The following KAT6B variants were observed in gnomAD, a reference collection of about 807,000 sequenced individuals.
KAT6B encodes histone acetyltransferase KAT6B.
A neutral mutation model predicts 187.5 loss-of-function variants in KAT6B; 10 were observed. The observed-to-expected ratio is 0.05, with a 90% CI of 0.03 to 0.09. The LOEUF is 0.09. KAT6B is among the 10% of genes least tolerant of loss of function. The pLI, the probability that KAT6B is intolerant of heterozygous loss-of-function variation, is 1.00. For missense variants in KAT6B, 1,952 were observed against 2,558.9 expected, an observed-to-expected ratio of 0.76 and a Z score of 5.12; for synonymous variants, 861 against 926.8, an observed-to-expected ratio of 0.93 and a Z score of 1.29.
chr10:74,825,549 G>T (rs1464796969), upstream of KAT6B: 3 of 158,402 alleles, frequency 1.9e-5, no homozygotes, highest in Non-Finnish European at 2.8e-5. This position sits in a 1 kb window ranked among gnomAD's most constrained non-coding sequence, Gnocchi z 5.0. Context: ...GGTCCCGGGC[G>T]GGGGGAGCGC....
intron 17 of KAT6B, chr10:75,025,501 G>A: frequency 2.3e-6 from 1 of 427,692 alleles, no homozygotes; most frequent in South Asian, 3.0e-5. Context: ...ACCAGAAATT[G>A]GCTTATCCCC....
intron 13 of KAT6B, among the ~76,000 whole-genome samples, chr10:74,990,876 C>G (rs946572440): frequency 2.6e-5 from 4 of 152,336 alleles, no homozygotes; most frequent in African/African-American, 9.6e-5. Flanking sequence ...CTTCCAACAT[C>G]TAGTTCCAGC....
At chr10:74,921,108 ATTTT>A (rs10550175) in intron 3 of KAT6B, among the ~76,000 whole-genome samples, 2 of 109,506 alleles carry the variant, frequency 1.8e-5, no homozygotes, top group Non-Finnish European at 1.7e-5. Flanking sequence ...TGTAGTCTAA[ATTTT>A]TTTTTTTTTT....
At chr10:75,021,345 T>C (rs925483849) in intron 15 of KAT6B, 60 bp downstream of exon 15, 2 of 1,561,536 alleles carry the variant, frequency 1.3e-6, no homozygotes, top group Non-Finnish European at 1.8e-6. Context: ...ATTCTTAAGC[T>C]AAGAAAGTCA....
rs1312528304 is a variant in KAT6B, at chr10:75,029,083, A to G, written c.4259A>G (p.His1420Arg). Reference protein sequence around the residue: ...EEEEEDEEPSHNEDHDADDED... With the variant: ...EEEEEDEEPSRNEDHDADDED... ...GAGGAAGAGGATGAAGAGCCATCCC[A>G]CAACGAGGACCATGATGCCGATGAC... The change falls in exon 18 of 18, where the codon CAC becomes CGC. Residue 1420 changes from histidine (H) to arginine (R), a missense_variant. His to Arg is a conservative substitution (Grantham distance 29). This residue lies in a region of KAT6B where 758 missense variants were observed against 891.4 expected (regional missense o/e 0.85). Coordinates refer to ENST00000287239, the MANE Select transcript of KAT6B (RefSeq NM_012330.4). The surrounding 1 kb of genome is among the most constrained non-coding windows in gnomAD (Gnocchi z 6.2). 1 of 1,614,216 alleles carries G rather than the reference A, an allele frequency of 6.2e-7. No individual in the cohort carries two copies. Among genetic ancestry groups the G allele is most frequent in the Non-Finnish European group, 8.5e-7 (1 of 1,180,034 alleles).
intron 3 of KAT6B, among the ~76,000 whole-genome samples, chr10:74,950,881 G>A (rs1407727149): frequency 6.6e-6 from 1 of 152,038 alleles, no homozygotes; most frequent in African/African-American, 2.4e-5. Flanking sequence ...CACCAGCCGA[G>A]GCAGGTGGAT....
chr10:74,960,694 A>G (rs1482780294), intron 4 of KAT6B, among the ~76,000 whole-genome samples: 3 of 152,196 alleles, frequency 2.0e-5, no homozygotes, highest in African/African-American at 7.2e-5. Flanking sequence ...TTACTTGATC[A>G]TTCTGAGCCC....
At chr10:75,021,006 T>C (rs1845367115) in intron 14 of KAT6B, 120 bp from the exon 15 acceptor site, 1 of 1,057,842 alleles carries the variant, frequency 9.5e-7, no homozygotes, top group South Asian at 1.3e-5. Flanking sequence ...ACCCTCTCAT[T>C]GAGGTGCTTT....
intron 3 of KAT6B, among the ~76,000 whole-genome samples, chr10:74,929,921 CTT>C (rs370938293): frequency 6.6e-5 from 9 of 136,008 alleles, no homozygotes; most frequent in Admixed American, 1.5e-4. Context: ...ATTATTTTTC[CTT>C]TTTTTTTTTT....
At chr10:74,883,804 A>C (rs1845039629) in intron 3 of KAT6B, among the ~76,000 whole-genome samples, 1 of 152,086 alleles carries the variant, frequency 6.6e-6, no homozygotes, top group Non-Finnish European at 1.5e-5. Flanking sequence ...ATCCTCATCC[A>C]ATTCTGTTTT....
chr10:74,968,448 G>A (rs1273746605), intron 4 of KAT6B, among the ~76,000 whole-genome samples: 2 of 151,636 alleles, frequency 1.3e-5, no homozygotes, highest in South Asian at 2.1e-4. Context: ...GATTTTGAAT[G>A]TTTTTACTTC....
At chr10:74,887,994 A>G (rs1204979048) in intron 3 of KAT6B, among the ~76,000 whole-genome samples, 1 of 152,158 alleles carries the variant, frequency 6.6e-6, no homozygotes, top group Non-Finnish European at 1.5e-5. Context: ...TGGAAAAAAA[A>G]AGAGAACTGG....
At chr10:74,970,752 GAATAAA>G (rs1383070294) in intron 6 of KAT6B, among the ~76,000 whole-genome samples, 2 of 152,072 alleles carry the variant, frequency 1.3e-5, no homozygotes, top group African/African-American at 4.8e-5. Flanking sequence ...GACAAAAAAG[GAATAAA>G]AATAAAAATG....
chr10:74,914,299 G>C (rs906434304), intron 3 of KAT6B, among the ~76,000 whole-genome samples: 3 of 151,978 alleles, frequency 2.0e-5, no homozygotes, highest in African/African-American at 7.2e-5. Context: ...ATTTAATCTA[G>C]AAATTTTAAG....
In KAT6B at chr10:75,030,881, C is replaced by T. The variant is rs748866707; in HGVS notation, c.6057C>T (p.Tyr2019=). ...GCTATATGAATCAAACGCCCCAATACCCTATGCAGATGCAGATGGGCATGA... is the reference window on the plus strand; with the variant it reads ...GCTATATGAATCAAACGCCCCAATATCCTATGCAGATGCAGATGGGCATGA... ...NHGYMNQTPQ[Y]PMQMQMGMMG... Residue 2019 remains tyrosine (Y), a synonymous_variant, in exon 18 of 18, where the codon TAC becomes TAT. Coordinates refer to ENST00000287239, the MANE Select transcript of KAT6B (RefSeq NM_012330.4). This position sits in a 1 kb window ranked among gnomAD's most constrained non-coding sequence, Gnocchi z 4.8. 6.2e-6 allele frequency: 10 copies of T among 1,614,192 alleles called. No homozygotes were observed. The highest frequency in any genetic ancestry group is 5.0e-5 in the Admixed American group (3 of 60,028).
At chr10:74,893,895 A>G (rs955333181) in intron 3 of KAT6B, among the ~76,000 whole-genome samples, 7 of 152,208 alleles carry the variant, frequency 4.6e-5, no homozygotes, top group Non-Finnish European at 7.3e-5. Flanking sequence ...CCTTATTTAT[A>G]CTCTGCAGGT....
chr10:74,858,036 A>G (rs965738056), intron 3 of KAT6B, among the ~76,000 whole-genome samples: 1 of 152,106 alleles, frequency 6.6e-6, no homozygotes, highest in Non-Finnish European at 1.5e-5. Context: ...ATTAAAAAAA[A>G]AAAGGAAAAA....
chr10:74,836,044 G>A (rs138229347), intron 1 of KAT6B, among the ~76,000 whole-genome samples: 256 of 152,324 alleles, frequency 1.7e-3, no homozygotes, highest in Middle Eastern at 3.4e-3. Flanking sequence ...TATTCTGGAT[G>A]TCTCATATGA....
chr10:74,959,834 A>T (rs1251154474), intron 3 of KAT6B, 136 bp from the exon 4 acceptor site: 3 of 677,780 alleles, frequency 4.4e-6, no homozygotes, highest in East Asian at 2.7e-5. Flanking sequence ...TGTTTATTTA[A>T]ATACGTTATT....
Sources: gnomAD v4.1 joint callset for allele counts (sites outside exome capture counted in the v4.1 genomes callset) on GRCh38, gnomAD v4.1.1 for gene constraint, gnomAD v4.1.1 regional missense constraint, Gnocchi (gnomAD v3.1) non-coding constraint, MANE v1.5 for transcripts, NCBI Gene and HGNC (gene_info 2026-07-23, HGNC 2026-07-21) for gene names.